The following ZNF37A variants were observed in gnomAD, a reference collection of about 807,000 sequenced individuals.
The protein encoded by ZNF37A is zinc finger protein 37A.
ZNF37A carries 10 observed loss-of-function variants against 12.3 expected under a neutral mutation model. The ratio of observed to expected loss-of-function variants is 0.82; its 90% CI spans 0.50 to 1.38. ZNF37A has a LOEUF of 1.38. Ranked by LOEUF, ZNF37A falls within the 40% of genes most tolerant of loss-of-function variation. ZNF37A has a pLI of 0.00. For missense variants in ZNF37A, 580 were observed against 651.2 expected (o/e 0.89, Z 1.19); for synonymous variants, 207 against 223.0 (o/e 0.93, Z 0.64).
chr10:38,141,426 T>A (rs2070182082), intron 7 of ZNF37A: 1 of 152,076 alleles, frequency 6.6e-6, no homozygotes, highest in Non-Finnish European at 1.5e-5. Context: ...CCTAGTCTAG[T>A]CAGACAAACA....
At chr10:38,146,707 G>T in intron 7 of ZNF37A, 1 of 398,438 alleles carries the variant, frequency 2.5e-6, no homozygotes, top group East Asian at 3.6e-5. Context: ...TACATGCACA[G>T]AGGGTCAACT....
chr10:38,133,329 A>T (rs2070059525), intron 7 of ZNF37A, among the ~76,000 whole-genome samples: 2 of 152,082 alleles, frequency 1.3e-5, no homozygotes, highest in Non-Finnish European at 2.9e-5. Flanking sequence ...TTATTTTTAA[A>T]TTATACTTTA....
intron 7 of ZNF37A, among the ~76,000 whole-genome samples, chr10:38,134,652 G>T (rs2070082046): frequency 6.6e-6 from 1 of 151,606 alleles, no homozygotes; most frequent in African/African-American, 2.4e-5. Flanking sequence ...CCTTCCTCTG[G>T]AAGCTTTGTC....
chr10:38,112,730 A>ATTTTCTTTTCTTTTC lies in ZNF37A; in HGVS notation c.16-1972_16-1958dup, dbSNP rs545261135. ...TTGTACAATTCTGTATTTTACATCC[A>ATTTTCTTTTCTTTTC]TTTTCTTTTCTTTTCTTTTCTTTTC... On this transcript the variant is annotated intron_variant, in intron 5 of 7. Transcript: ENST00000685332. Among the ~76,000 whole-genome samples the ATTTTCTTTTCTTTTC allele has an allele frequency of 8.5e-4, 66 of 77,500 alleles. 2 individuals carry two copies. Among genetic ancestry groups the ATTTTCTTTTCTTTTC allele is most frequent in the African/African-American group, 2.3e-3 (44 of 19,290 alleles). The allele number at this position is 77,500 out of a possible 152,430, so 50.8% of individuals were successfully genotyped here.
chr10:38,111,385 G>A (rs546844532), intron 5 of ZNF37A, among the ~76,000 whole-genome samples: 1 of 151,960 alleles, frequency 6.6e-6, no homozygotes, highest in South Asian at 2.1e-4. Context: ...TTATGTAGAT[G>A]ATGGGTTGAT....
intron 7 of ZNF37A, chr10:38,137,896 C>T (rs1172977590): frequency 6.6e-6 from 1 of 152,206 alleles, no homozygotes; most frequent in African/African-American, 2.4e-5. Context: ...TTTGTCTTGA[C>T]TTCATTCTCC....
In ZNF37A at chr10:38,117,789, C is replaced by T. The variant is rs2069396207; in HGVS notation, c.638C>T (p.Ser213Phe). Reference sequence around the variant, plus strand: ...TGTGGAGAAAATATCTTTGAGGAATCCATTCTCCTTGAACATCAGAGTGTT... The same window carrying T: ...TGTGGAGAAAATATCTTTGAGGAATTCATTCTCCTTGAACATCAGAGTGTT... ...NECGENIFEE[S>F]ILLEHQSVYP... is the part of the protein sequence containing the mutation. Residue 213 changes from serine (S) to phenylalanine (F), a missense_variant, in exon 8 of 8, where the codon TCC (serine) becomes TTC (phenylalanine). Transcript: ENST00000685332. The T allele has an allele frequency of 1.2e-6, 2 of 1,613,944 alleles. No homozygotes were observed. The highest frequency in any genetic ancestry group is 4.5e-5 in the East Asian group (2 of 44,842).
chr10:38,148,882 G>T (rs1238972271), exon 8 of ZNF37A: 2 of 151,582 alleles, frequency 1.3e-5, no homozygotes, highest in African/African-American at 4.9e-5. Context: ...CTGTCACCCA[G>T]GTTGGAGTGC....
At position 38,112,778 on chromosome 10, in the gene ZNF37A, T is replaced by TCTTGTCTTGTCTTG. The variant is rs1554929923; in HGVS notation, c.16-1977_16-1976insCTTGTCTTGTCTTG. ...TTCTTTTCTTTTCTTTTCTTTTCTT[T>TCTTGTCTTGTCTTG]TCTTTTCTTTTCTTTTCTTGTCTTG... On this transcript the variant is annotated intron_variant, in intron 5 of 7. Coordinates refer to ENST00000685332, the MANE Select transcript of ZNF37A (RefSeq NM_001324250.3). 9.4e-4 allele frequency among the ~76,000 whole-genome samples: 60 copies of TCTTGTCTTGTCTTG among 63,814 alleles called. 13 individuals carry two copies. The highest frequency in any genetic ancestry group is 3.0e-3 in the African/African-American group (52 of 17,264). The allele number at this position is 63,814 out of a possible 152,430, so 41.9% of individuals were successfully genotyped here.
At chr10:38,103,717 G>A (rs1441157995) in intron 5 of ZNF37A, among the ~76,000 whole-genome samples, 1 of 151,976 alleles carries the variant, frequency 6.6e-6, no homozygotes, top group African/African-American at 2.4e-5. Flanking sequence ...TGTATTATTT[G>A]CTTATTTTGT....
In ZNF37A at chr10:38,118,071, CCTT is replaced by C. The variant is rs765687872; in HGVS notation, c.923_925del (p.Phe308del). 1.2e-6 allele frequency: 2 copies of C among 1,613,944 alleles called. No individual in the cohort carries two copies. The highest frequency in any genetic ancestry group is 1.7e-6 in the Non-Finnish European group (2 of 1,179,940). On this transcript the variant is annotated inframe_deletion, in exon 8 of 8. Transcript: ENST00000685332. Reference sequence around the variant, plus strand: ...TATGAATGTCATGAATGTGGGAAGACCTTCTATAAGAATTCAGACCTCATTAAA... The same window carrying C: ...TATGAATGTCATGAATGTGGGAAGACCTATAAGAATTCAGACCTCATTAAA...
chr10:38,127,207 T>A, downstream of ZNF37A, among the ~76,000 whole-genome samples: 1 of 152,048 alleles, frequency 6.6e-6, no homozygotes, highest in East Asian at 1.9e-4. Context: ...CCTAGTGAGA[T>A]TTGTAGTTGT....
At position 38,119,149 on chromosome 10, in the gene ZNF37A, G is replaced by C. The variant is rs934243382; in HGVS notation, c.*312G>C. 1.0e-5 allele frequency: 11 copies of C among 1,049,278 alleles called. No homozygotes were observed. The African/African-American group carries it at 1.9e-4, about 18-fold the overall frequency. 65.0% of individuals were successfully genotyped at this position (1,049,278 alleles called of 1,614,324 possible). A position where few individuals can be genotyped will look rare whatever the true frequency, so the allele number is the denominator to read the frequency against. ...AAACCTGGGTCAGCATCCCTAGGTTGAGAAGGGATGCATTTTTCTGCTACT... is the reference window on the plus strand; with the variant it reads ...AAACCTGGGTCAGCATCCCTAGGTTCAGAAGGGATGCATTTTTCTGCTACT... On this transcript the variant is annotated 3_prime_UTR_variant, in exon 8 of 8. Transcript: ENST00000685332.
chr10:38,117,485 C>A lies in ZNF37A; in HGVS notation c.334C>A (p.His112Asn). Residue 112 changes from histidine (H) to asparagine (N), a missense_variant, in exon 8 of 8, where the codon CAT (histidine) becomes AAT (asparagine). Physicochemically the swap from His to Asn is moderately conservative, Grantham distance 68. Coordinates refer to ENST00000685332, the MANE Select transcript of ZNF37A (RefSeq NM_001324250.3). ...CTGTGATGAAAAGCATGAAATAATT[C>A]ATTCTGAAGAGGAACCTTCTGAATA... is the stretch of plus-strand genomic sequence containing the variant. ...CFCDEKHEII[H>N]SEEEPSEYNK... 1 of 1,612,118 alleles carries A rather than the reference C, an allele frequency of 6.2e-7. No individual in the cohort carries two copies. The highest frequency in any genetic ancestry group is 1.1e-5 in the South Asian group (1 of 90,346).
chr10:38,134,408 TC>T (rs1350281678), intron 7 of ZNF37A, among the ~76,000 whole-genome samples: 6 of 152,238 alleles, frequency 3.9e-5, no homozygotes, highest in African/African-American at 1.4e-4. Context: ...CTCTGGTTTC[TC>T]CCCATCTTTG....
rs777144968 is a variant in ZNF37A, at chr10:38,118,308, A to G, written c.1157A>G (p.Tyr386Cys). 3.7e-6 allele frequency: 6 copies of G among 1,613,810 alleles called. No homozygotes were observed. Among genetic ancestry groups the G allele is most frequent in the African/African-American group, 1.3e-5 (1 of 74,892 alleles). Reference protein sequence around the residue: ...THTGEKPYECYACGKAFLRKS... With the variant: ...THTGEKPYECCACGKAFLRKS... ...ACAGGGGAGAAGCCCTATGAATGCT[A>G]TGCATGTGGGAAAGCCTTTCTCAGA... is the stretch of plus-strand genomic sequence containing the variant. Residue 386 changes from tyrosine (Y) to cysteine (C), a missense_variant, in exon 8 of 8, where the codon TAT becomes TGT. Transcript: ENST00000685332.
At position 38,117,456 on chromosome 10, in the gene ZNF37A, G is replaced by A; in HGVS notation, c.305G>A (p.Cys102Tyr). Reference sequence around the variant, plus strand: ...AATGAGTTTAACAAAGGTGGAAAATGTTTCTGTGATGAAAAGCATGAAATA... The same window carrying A: ...AATGAGTTTAACAAAGGTGGAAAATATTTCTGTGATGAAAAGCATGAAATA... ...KFNEFNKGGK[C>Y]FCDEKHEIIH... Residue 102 changes from cysteine (C) to tyrosine (Y), a missense_variant, in exon 8 of 8, where the codon TGT (cysteine) becomes TAT (tyrosine). Physicochemically the swap from Cys to Tyr is radical, Grantham distance 194. Coordinates refer to ENST00000685332, the MANE Select transcript of ZNF37A (RefSeq NM_001324250.3). The A allele has an allele frequency of 6.2e-7, 1 of 1,605,406 alleles. No homozygotes were observed. The highest frequency in any genetic ancestry group is 8.5e-7 in the Non-Finnish European group (1 of 1,177,864).
At chr10:38,146,732 G>C in exon 8 of ZNF37A, 1 of 398,510 alleles carries the variant, frequency 2.5e-6, no homozygotes, top group East Asian at 3.6e-5. Context: ...CTACCCACAG[G>C]CTCCACAAGG....
chr10:38,106,002 T>G (rs1014142689), intron 5 of ZNF37A, among the ~76,000 whole-genome samples: 11 of 152,206 alleles, frequency 7.2e-5, no homozygotes, highest in Non-Finnish European at 1.3e-4. Context: ...TTGCTCTGGC[T>G]AGAACTTTTA....
Sources: gnomAD v4.1 joint callset for allele counts (sites outside exome capture counted in the v4.1 genomes callset) on GRCh38, gnomAD v4.1.1 for gene constraint, MANE v1.5 for transcripts, NCBI Gene and HGNC (gene_info 2026-07-23, HGNC 2026-07-21) for gene names.